The following RAPGEF1 variants were observed in gnomAD, a reference collection of about 807,000 sequenced individuals.
RAPGEF1 encodes the protein Rap guanine nucleotide exchange factor 1, also known as CRK SH3-binding GNRP.
RAPGEF1 carries 33 observed loss-of-function variants against 143.3 expected under a neutral mutation model. That is an observed-to-expected ratio of 0.23 (90% CI 0.17 to 0.31). The LOEUF is 0.31. Among genes scored for constraint, RAPGEF1 ranks in the 10% least tolerant of loss-of-function variants. The pLI is 1.00. For synonymous variants in RAPGEF1, 629 were observed against 676.5 expected (o/e 0.93, Z 1.09); for missense variants, 1,199 against 1,645.4 (o/e 0.73, Z 4.69).
chr9:131,672,604 A>G (rs773775252), intron 1 of RAPGEF1, among the ~76,000 whole-genome samples: 9 of 152,166 alleles, frequency 5.9e-5, no homozygotes, highest in Non-Finnish European at 1.5e-5. Flanking sequence ...AAGATTTTCC[A>G]CATCTTGGGC....
chr9:131,598,162 G>A, intron 16 of RAPGEF1, 37 bp downstream of exon 16: 1 of 1,560,556 alleles, frequency 6.4e-7, no homozygotes, highest in Non-Finnish European at 8.8e-7. Context: ...TCCTCTGTGG[G>A]GCCAGGCTGC....
chr9:131,730,696 T>TAAAAAAAA (rs1836998581), intron 1 of RAPGEF1, among the ~76,000 whole-genome samples: 1 of 7,250 alleles, frequency 1.4e-4, no homozygotes, highest in Non-Finnish European at 2.8e-4. Context: ...AGACTCCATC[T>TAAAAAAAA]CAAAAAAAAA....
intron 1 of RAPGEF1, among the ~76,000 whole-genome samples, chr9:131,669,285 G>A (rs1830963525): frequency 6.6e-6 from 1 of 152,206 alleles, no homozygotes; most frequent in Non-Finnish European, 1.5e-5. Flanking sequence ...CCAGACAACA[G>A]GGGAAGGAGC....
chr9:131,584,406 G>A lies in RAPGEF1; in HGVS notation c.3319C>T (p.Arg1107Trp). ...TAGGAGTTGAAGTTATTCAGCTTCC[G>A]CAAGTGCTGCCGAGAGAGGGGCGGT... ...LKFIKIMKHL[R>W]KLNNFNSYLA... The change falls in exon 24 of 27, where the codon CGG becomes TGG. Residue 1107 changes from arginine to tryptophan, a missense_variant. Arg to Trp is a moderately radical substitution (Grantham distance 101). This residue lies in a region of RAPGEF1 where 209 missense variants were observed against 403.0 expected (regional missense o/e 0.52). Coordinates refer to ENST00000683357, the MANE Select transcript of RAPGEF1 (RefSeq NM_001377935.1). This position sits in a 1 kb window ranked among gnomAD's most constrained non-coding sequence, Gnocchi z 6.8. 1 of 1,613,898 alleles carries A rather than the reference G, an allele frequency of 6.2e-7. No individual in the cohort carries two copies. The highest frequency in any genetic ancestry group is 8.5e-7 in the Non-Finnish European group (1 of 1,179,828).
chr9:131,645,859 A>G (rs1401501154), intron 3 of RAPGEF1, among the ~76,000 whole-genome samples: 1 of 152,236 alleles, frequency 6.6e-6, no homozygotes, highest in Non-Finnish European at 1.5e-5. Context: ...TTAGAGACAA[A>G]GCCAACTGCT....
intron 1 of RAPGEF1, among the ~76,000 whole-genome samples, chr9:131,731,763 C>A (rs1256521074): frequency 6.6e-6 from 1 of 152,208 alleles, no homozygotes; most frequent in Non-Finnish European, 1.5e-5. Context: ...TGCAGAATCG[C>A]CTGATCACAA....
In RAPGEF1 at chr9:131,629,250, C is replaced by T; in HGVS notation, c.745G>A (p.Ala249Thr). Residue 249 changes from alanine (A) to threonine (T), a missense_variant, in exon 7 of 27, where the codon GCA becomes ACA. Around this residue, in one of 6 missense-constraint regions of RAPGEF1, gnomAD observed 613 missense variants for 710.9 expected, o/e 0.86. Transcript: ENST00000683357. ...SSPASKPDGP[A>T]ELPLTDREVE... ...TCGCGGTCTGTCAGGGGGAGCTCTG[C>T]TGGGCTGGAGAATTGGGAAGAACTT... 6.2e-7 allele frequency: 1 copy of T among 1,613,108 alleles called. No individual in the cohort carries two copies. The highest frequency in any genetic ancestry group is 8.5e-7 in the Non-Finnish European group (1 of 1,179,388).
intron 12 of RAPGEF1, 124 bp from the exon 13 acceptor site, chr9:131,605,312 C>A: frequency 3.3e-6 from 3 of 900,882 alleles, no homozygotes; most frequent in Non-Finnish European, 4.5e-6. Flanking sequence ...AACGGGCCAC[C>A]AATCACGCCA....
chr9:131,729,149 G>A (rs1363958980), intron 1 of RAPGEF1, among the ~76,000 whole-genome samples: 1 of 152,232 alleles, frequency 6.6e-6, no homozygotes. Context: ...GGGCCATGAG[G>A]CAGGTCTCCC....
intron 10 of RAPGEF1, among the ~76,000 whole-genome samples, chr9:131,624,570 G>A (rs556409880): frequency 2.4e-4 from 37 of 152,328 alleles, no homozygotes; most frequent in South Asian, 1.0e-3. Context: ...CAGCTTGCAA[G>A]GATGCCATCC....
At chr9:131,629,347 A>C (rs1964218625) in intron 6 of RAPGEF1, 93 bp from the exon 7 acceptor site, 1 of 1,303,862 alleles carries the variant, frequency 7.7e-7, no homozygotes, top group Non-Finnish European at 1.1e-6. Flanking sequence ...GACCAGGAAG[A>C]ACACAGTGGG....
intron 12 of RAPGEF1, 30 bp downstream of exon 12, chr9:131,619,021 C>T (rs925554733): frequency 2.2e-6 from 3 of 1,348,256 alleles, no homozygotes; most frequent in African/African-American, 3.0e-5. Flanking sequence ...TCACGCGTTT[C>T]CAAGTAAAGA....
Position 131,650,958 on chromosome 9 carries a change from A to G in RAPGEF1, c.62-9T>C, listed in dbSNP as rs758546588. On this transcript the variant is annotated splice_polypyrimidine_tract_variant and intron_variant, in intron 1 of 26. Coordinates refer to ENST00000683357, the MANE Select transcript of RAPGEF1 (RefSeq NM_001377935.1). This position sits in a 1 kb window ranked among gnomAD's most constrained non-coding sequence, Gnocchi z 4.7. The stretch of plus-strand genomic sequence containing the variant: ...ATGAGAACGCTGAGAGTCTGAAAAC[A>G]AAGAGGGTACTGACTGTTAGATGGG... 1.2e-6 allele frequency: 2 copies of G among 1,613,458 alleles called. No individual in the cohort carries two copies. The highest frequency in any genetic ancestry group is 4.5e-5 in the East Asian group (2 of 44,886).
intron 1 of RAPGEF1, among the ~76,000 whole-genome samples, chr9:131,715,851 G>A (rs993754977): frequency 5.1e-5 from 7 of 137,418 alleles, no homozygotes; most frequent in Admixed American, 1.6e-4. Flanking sequence ...GTGACAGAGC[G>A]AGACTCCCTC....
At chr9:131,633,849 C>T (rs552628651) in intron 5 of RAPGEF1, among the ~76,000 whole-genome samples, 3 of 152,330 alleles carry the variant, frequency 2.0e-5, no homozygotes, top group Non-Finnish European at 2.9e-5. Context: ...TGCTAACACC[C>T]TAATCTCATT....
intron 3 of RAPGEF1, among the ~76,000 whole-genome samples, chr9:131,644,633 G>C (rs1328438338): frequency 1.3e-5 from 2 of 152,112 alleles, no homozygotes; most frequent in Non-Finnish European, 2.9e-5. Context: ...TTAATAAAAA[G>C]TGCTTATGAT....
At position 131,678,645 on chromosome 9, in the gene RAPGEF1, C is replaced by T. The variant is rs537736987; in HGVS notation, c.62-27696G>A. Among the ~76,000 whole-genome samples, 4 of 152,316 alleles carry T rather than the reference C, an allele frequency of 2.6e-5. No homozygotes were observed. The East Asian group carries it at 5.8e-4, about 22-fold the overall frequency. ...ATCACATCAACACTGAGCTCTGAGG[C>T]CCAATGTTTGCAGCTCAGAGCGGTT... On this transcript the variant is annotated intron_variant, in intron 1 of 26. Transcript: ENST00000683357.
chr9:131,587,159 CCT>C (rs1953221743), intron 22 of RAPGEF1, among the ~76,000 whole-genome samples: 1 of 127,822 alleles, frequency 7.8e-6, no homozygotes, highest in African/African-American at 3.3e-5. Context: ...CACACACACA[CCT>C]GCAGAGCGAG....
chr9:131,690,795 AAAAT>A (rs1306268918), intron 1 of RAPGEF1, among the ~76,000 whole-genome samples: 4 of 152,218 alleles, frequency 2.6e-5, no homozygotes, highest in African/African-American at 7.2e-5. Flanking sequence ...CTGTCTCAAA[AAAAT>A]AAATAAATAA....
Sources: allele counts gnomAD v4.1 joint callset (sites outside exome capture counted in the v4.1 genomes callset), GRCh38; gene constraint gnomAD v4.1.1; regional missense constraint gnomAD v4.1.1; non-coding constraint Gnocchi (gnomAD v3.1); transcripts MANE v1.5; gene names NCBI Gene and HGNC (gene_info 2026-07-23, HGNC 2026-07-21).